ERP44: variants seen among roughly 807,000 people sequenced by gnomAD.
ERP44 encodes endoplasmic reticulum resident protein 44.
In ERP44, 25 loss-of-function variants were observed where a neutral mutation model predicts 53.4. The ratio of observed to expected loss-of-function variants is 0.47; its 90% CI spans 0.34 to 0.65. The LOEUF (loss-of-function observed/expected upper bound fraction) is 0.65. Among genes scored for constraint, ERP44 ranks in the 30% least tolerant of loss-of-function variants. The pLI is 0.01. For missense variants in ERP44, 338 were observed against 493.2 expected (o/e 0.69, Z 2.98); for synonymous variants, 145 against 161.2 (o/e 0.90, Z 0.76).
Position 99,980,787 on chromosome 9 carries a change from G to A in ERP44, c.*1825C>T, listed in dbSNP as rs1830140915. The A allele has an allele frequency of 6.6e-6, 1 of 152,202 alleles. No homozygotes were observed. The highest frequency in any genetic ancestry group is 6.5e-5 in the Admixed American group (1 of 15,276). 9.4% of individuals were successfully genotyped at this position (152,202 alleles called of 1,614,324 possible). Reference sequence around the variant, plus strand: ...TAAGCCCAATATGCATGAATGCTAAGTAATACTTCCTCAAATCAACTCCCT... The same window carrying A: ...TAAGCCCAATATGCATGAATGCTAAATAATACTTCCTCAAATCAACTCCCT... On this transcript the variant is annotated 3_prime_UTR_variant, in exon 12 of 12. Transcript: ENST00000262455.
chr9:100,065,026 C>T (rs149151350), intron 1 of ERP44, among the ~76,000 whole-genome samples: 13 of 152,114 alleles, frequency 8.5e-5, no homozygotes, highest in Admixed American at 4.6e-4. Flanking sequence ...TTTAGTATTG[C>T]GTAAGTTTAC....
chr9:100,027,707 C>T (rs1830667438), intron 4 of ERP44, among the ~76,000 whole-genome samples: 4 of 152,108 alleles, frequency 2.6e-5, no homozygotes, highest in African/African-American at 7.2e-5. Flanking sequence ...CTCACTAATA[C>T]CCAGCAGGGT....
At chr9:100,039,330 C>T (rs2118684828) in intron 4 of ERP44, among the ~76,000 whole-genome samples, 1 of 152,234 alleles carries the variant, frequency 6.6e-6, no homozygotes, top group Non-Finnish European at 1.5e-5. Context: ...GAAATTATCT[C>T]AAGCATCTCC....
In ERP44 at chr9:100,068,582, C is replaced by A. The variant is rs540786259; in HGVS notation, c.58-8410G>T. ...GGGAGGGAGGTGGGGGGGTCAGCCC[C>A]CAGCCCGGCCGGCTGCCCCGTCCGG... is the stretch of plus-strand genomic sequence containing the variant. On this transcript the variant is annotated intron_variant, in intron 1 of 11. Coordinates refer to ENST00000262455, the MANE Select transcript of ERP44 (RefSeq NM_015051.3). Among the ~76,000 whole-genome samples, 496 of 142,042 alleles carry A rather than the reference C, an allele frequency of 3.5e-3. 4 individuals are homozygous for A. Among genetic ancestry groups the A allele is most frequent in the African/African-American group, 0.012 (459 of 38,158 alleles). The allele number at this position is 142,042 out of a possible 152,430, so 93.2% of individuals were successfully genotyped here.
At chr9:100,039,575 A>G (rs1020827806) in intron 4 of ERP44, among the ~76,000 whole-genome samples, 5 of 152,236 alleles carry the variant, frequency 3.3e-5, no homozygotes, top group Middle Eastern at 6.8e-3. Flanking sequence ...AAAATAAGAA[A>G]AAACTTCCAA....
chr9:100,022,654 C>T (rs2082663364), intron 4 of ERP44, among the ~76,000 whole-genome samples: 1 of 152,126 alleles, frequency 6.6e-6, no homozygotes. Flanking sequence ...TACCTGACAG[C>T]AGCATATAAG....
chr9:100,042,820 A>G (rs1825920505), intron 4 of ERP44, among the ~76,000 whole-genome samples: 1 of 152,222 alleles, frequency 6.6e-6, no homozygotes, highest in South Asian at 2.1e-4. Flanking sequence ...ACAGGAAAAC[A>G]TTGCATGTTC....
chr9:100,068,832 T>G (rs7020822), intron 1 of ERP44, among the ~76,000 whole-genome samples: 102,366 of 151,984 alleles, frequency 0.67, 35,609 homozygotes, highest in East Asian at 0.91. Context: ...GACAATGGCG[T>G]TTTTGTGGAA....
At chr9:100,050,314 A>G (rs1587974791) in intron 4 of ERP44, among the ~76,000 whole-genome samples, 1 of 46,110 alleles carries the variant, frequency 2.2e-5, no homozygotes, top group Non-Finnish European at 5.0e-5. Flanking sequence ...TTTGTGTAAC[A>G]TATGTCAATT....
chr9:100,002,348 C>T (rs2118626239), intron 10 of ERP44, among the ~76,000 whole-genome samples: 1 of 152,292 alleles, frequency 6.6e-6, no homozygotes, highest in African/African-American at 2.4e-5. Flanking sequence ...CTTACTTTCA[C>T]CAGTGAGTTT....
At chr9:100,029,634 G>GAACT (rs1474253289) in intron 4 of ERP44, among the ~76,000 whole-genome samples, 1 of 152,178 alleles carries the variant, frequency 6.6e-6, no homozygotes, top group African/African-American at 2.4e-5. Flanking sequence ...CCTAAAAATA[G>GAACT]AACTACCACA....
At chr9:100,037,653 T>C (rs1825858534) in intron 4 of ERP44, among the ~76,000 whole-genome samples, 1 of 152,042 alleles carries the variant, frequency 6.6e-6, no homozygotes, top group South Asian at 2.1e-4. Flanking sequence ...GGATACCAGC[T>C]CAGTCACAGC....
chr9:99,982,631 C>A lies in ERP44; in HGVS notation c.1202G>T (p.Arg401Met). ...AAGTTTTTAAAGCTCATCTCGATCCCTCAATAGAGTATACCTATATTCACT... is the reference window on the plus strand; with the variant it reads ...AAGTTTTTAAAGCTCATCTCGATCCATCAATAGAGTATACCTATATTCACT... ...APSEYRYTLL[R>M]DRDEL is the part of the protein sequence containing the mutation. Residue 401 changes from arginine to methionine, a missense_variant, in exon 12 of 12, where the codon AGG becomes ATG. This residue lies in a region of ERP44 where 113 missense variants were observed against 172.6 expected (regional missense o/e 0.65). Coordinates refer to ENST00000262455, the MANE Select transcript of ERP44 (RefSeq NM_015051.3). 1 of 1,595,150 alleles carries A rather than the reference C, an allele frequency of 6.3e-7. No individual in the cohort carries two copies. The highest frequency in any genetic ancestry group is 1.1e-5 in the South Asian group (1 of 87,212).
At chr9:99,998,962 T>C in intron 10 of ERP44, 1 of 1,503,854 alleles carries the variant, frequency 6.6e-7, no homozygotes, top group Non-Finnish European at 9.2e-7. Context: ...AAAAAGTTTT[T>C]ATATTCTGGA....
At chr9:100,062,888 C>A (rs553876629) in intron 1 of ERP44, among the ~76,000 whole-genome samples, 3 of 151,798 alleles carry the variant, frequency 2.0e-5, no homozygotes, top group African/African-American at 7.2e-5. Flanking sequence ...GCCTAGGCAA[C>A]ATAGCAAGAC....
chr9:100,065,660 C>G (rs1826203247), intron 1 of ERP44, among the ~76,000 whole-genome samples: 2 of 152,010 alleles, frequency 1.3e-5, no homozygotes, highest in South Asian at 4.1e-4. Context: ...CCATAAATTA[C>G]CACAAAACAG....
chr9:100,039,114 T>G (rs1825875510), intron 4 of ERP44, among the ~76,000 whole-genome samples: 1 of 152,184 alleles, frequency 6.6e-6, no homozygotes, highest in Non-Finnish European at 1.5e-5. Context: ...CTACTTTCAG[T>G]CTTGGACAGA....
At chr9:100,050,462 T>G (rs1319768565) in intron 4 of ERP44, among the ~76,000 whole-genome samples, 1 of 152,200 alleles carries the variant, frequency 6.6e-6, no homozygotes, top group Admixed American at 6.5e-5. Flanking sequence ...CAGAATAATC[T>G]GCCTAAAAGG....
Position 99,992,158 on chromosome 9 carries a change from C to A in ERP44, c.1017-7089G>T, listed in dbSNP as rs977304238. ...TAGAAAAAGAGAGAATCCTCCCTAA[C>A]TCATTTTATGAGGCCAGCATCATCC... On this transcript the variant is annotated intron_variant, in intron 10 of 11. Coordinates refer to ENST00000262455, the MANE Select transcript of ERP44 (RefSeq NM_015051.3). 4.6e-5 allele frequency among the ~76,000 whole-genome samples: 7 copies of A among 152,212 alleles called. No individual in the cohort carries two copies. The South Asian group carries it at 1.0e-3, about 23-fold the overall frequency.
Sources: gnomAD v4.1 joint callset for allele counts (sites outside exome capture counted in the v4.1 genomes callset) on GRCh38, gnomAD v4.1.1 for gene constraint, gnomAD v4.1.1 regional missense constraint, MANE v1.5 for transcripts, NCBI Gene and HGNC (gene_info 2026-07-23, HGNC 2026-07-21) for gene names.